The following GLIS3 variants were observed in gnomAD, a reference collection of about 807,000 sequenced individuals.
GLIS3 encodes the protein zinc finger protein GLIS3.
In GLIS3, 53 loss-of-function variants were observed where a neutral mutation model predicts 78.6. The ratio of observed to expected loss-of-function variants is 0.67; its 90% confidence interval spans 0.54 to 0.85. GLIS3 has a LOEUF of 0.85. Among genes scored for constraint, GLIS3 ranks in the 40% least tolerant of loss-of-function variants. The pLI is 0.00. For synonymous variants in GLIS3, 684 were observed against 509.9 expected (o/e 1.34, Z -4.60); for missense variants, 1,703 against 1,231.1 (o/e 1.38, Z -5.74).
intron 8 of GLIS3, among the ~76,000 whole-genome samples, chr9:3,871,703 T>C (rs1044369149): frequency 6.6e-5 from 10 of 152,190 alleles, no homozygotes; most frequent in Admixed American, 2.6e-4. Flanking sequence ...ACAGGGACCC[T>C]GGGCCAGGCC....
At chr9:4,029,108 A>C (rs1463955572) in intron 4 of GLIS3, among the ~76,000 whole-genome samples, 1 of 152,214 alleles carries the variant, frequency 6.6e-6, no homozygotes, top group Non-Finnish European at 1.5e-5. Context: ...CTTAAAACAC[A>C]AACCAGTAAT....
At chr9:3,856,865 G>A (rs1228434832) in intron 8 of GLIS3, among the ~76,000 whole-genome samples, 1 of 152,182 alleles carries the variant, frequency 6.6e-6, no homozygotes, top group African/African-American at 2.4e-5. Flanking sequence ...AAGACTATTG[G>A]TGGTTTCTGG....
chr9:4,240,457 G>T (rs962038096), intron 2 of GLIS3, among the ~76,000 whole-genome samples: 1 of 151,998 alleles, frequency 6.6e-6, no homozygotes, highest in Non-Finnish European at 1.5e-5. Flanking sequence ...GCGGTCTGGG[G>T]ATTGGGAACC....
At chr9:3,963,072 T>C (rs1038675100) in intron 4 of GLIS3, among the ~76,000 whole-genome samples, 1 of 151,420 alleles carries the variant, frequency 6.6e-6, no homozygotes, top group Admixed American at 6.6e-5. Flanking sequence ...GACACACATA[T>C]AAAGGCAAGT....
chr9:4,447,254 C>A, the GLIS3 span, among the ~76,000 whole-genome samples: 5 of 151,946 alleles, frequency 3.3e-5, no homozygotes, highest in Non-Finnish European at 7.4e-5. Context: ...CACTATGTTG[C>A]TCAGGCTGGT....
chr9:3,933,088 G>A (rs1225580595), intron 5 of GLIS3, among the ~76,000 whole-genome samples: 1 of 152,126 alleles, frequency 6.6e-6, no homozygotes, highest in African/African-American at 2.4e-5. Context: ...TAAGCTCTTG[G>A]CTGAGTGCAA....
At chr9:4,167,409 C>A (rs1586860289) in intron 2 of GLIS3, among the ~76,000 whole-genome samples, 1 of 152,170 alleles carries the variant, frequency 6.6e-6, no homozygotes, top group Non-Finnish European at 1.5e-5. Flanking sequence ...TAAGCCACTA[C>A]TATGTGCCAG....
At chr9:4,217,943 T>C (rs1205926306) in intron 2 of GLIS3, among the ~76,000 whole-genome samples, 1 of 152,248 alleles carries the variant, frequency 6.6e-6, no homozygotes, top group Non-Finnish European at 1.5e-5. Context: ...GGGACTTATT[T>C]AGCATCTGCT....
At chr9:4,283,261 G>GTTTTTTTTT (rs369306104) in intron 2 of GLIS3, among the ~76,000 whole-genome samples, 2 of 76,384 alleles carry the variant, frequency 2.6e-5, no homozygotes, top group African/African-American at 1.6e-4. Flanking sequence ...CTGTTTTTTT[G>GTTTTTTTTT]TTTTTTTGTT....
At chr9:4,363,312 A>G in the GLIS3 span, among the ~76,000 whole-genome samples, 2 of 152,262 alleles carry the variant, frequency 1.3e-5, no homozygotes, top group Admixed American at 6.5e-5. Context: ...AGTCCCAGCT[A>G]CTTGAGAGGC....
intron 2 of GLIS3, among the ~76,000 whole-genome samples, chr9:4,181,861 G>A (rs555159032): frequency 6.6e-6 from 1 of 152,148 alleles, no homozygotes; most frequent in African/African-American, 2.4e-5. Flanking sequence ...TCCAAGCTAA[G>A]GGCCCAGATA....
chr9:4,448,218 TC>T, the GLIS3 span, among the ~76,000 whole-genome samples: 2 of 152,212 alleles, frequency 1.3e-5, no homozygotes, highest in South Asian at 2.1e-4. Flanking sequence ...CTTTGCTAAC[TC>T]CCCATTCCCA....
chr9:4,451,998 C>T, the GLIS3 span, among the ~76,000 whole-genome samples: 12 of 152,014 alleles, frequency 7.9e-5, no homozygotes, highest in East Asian at 3.9e-4. Flanking sequence ...TTCATCCCTG[C>T]GATGCAAGTC....
intron 2 of GLIS3, among the ~76,000 whole-genome samples, chr9:4,282,375 T>C (rs1194117557): frequency 1.3e-5 from 2 of 152,158 alleles, no homozygotes; most frequent in African/African-American, 4.8e-5. Context: ...GTACACTGAG[T>C]AAAACATATT....
chr9:4,190,160 G>A (rs1233710191), intron 2 of GLIS3, among the ~76,000 whole-genome samples: 1 of 152,208 alleles, frequency 6.6e-6, no homozygotes, highest in Non-Finnish European at 1.5e-5. Context: ...CTCCTCACCA[G>A]CAACGGAACA....
At chr9:3,897,089 G>A (rs1219037105) in intron 7 of GLIS3, among the ~76,000 whole-genome samples, 3 of 152,092 alleles carry the variant, frequency 2.0e-5, no homozygotes, top group African/African-American at 7.2e-5. Context: ...TGAGCCATAT[G>A]CTGTATGCTA....
chr9:4,376,282 C>A, the GLIS3 span, among the ~76,000 whole-genome samples: 10 of 152,114 alleles, frequency 6.6e-5, no homozygotes, highest in Non-Finnish European at 1.2e-4. Context: ...AAAACTAATT[C>A]ATCTTTTCAG....
intron 4 of GLIS3, among the ~76,000 whole-genome samples, chr9:3,954,195 T>C (rs1473941924): frequency 6.6e-6 from 1 of 152,216 alleles, no homozygotes; most frequent in African/African-American, 2.4e-5. Flanking sequence ...TGCTAAAAAT[T>C]ACCTTTCTTT....
rs138782771 is a variant in GLIS3, at chr9:3,967,363, C to T, written c.1711-30174G>A. Among the ~76,000 whole-genome samples, 1,457 of 152,082 alleles carry T rather than the reference C, an allele frequency of 9.6e-3. 26 individuals carry two copies. Among genetic ancestry groups the T allele is most frequent in the African/African-American group, 0.034 (1,394 of 41,470 alleles). Reference sequence around the variant, plus strand: ...TACTAAAAATAGAAAATTAGCCAGGCGTGGTTGCACGTGCCTGTAGTCCCA... The same window carrying T: ...TACTAAAAATAGAAAATTAGCCAGGTGTGGTTGCACGTGCCTGTAGTCCCA... On this transcript the variant is annotated intron_variant, in intron 4 of 10. Transcript: ENST00000381971.
Sources: gnomAD v4.1 joint callset for allele counts (sites outside exome capture counted in the v4.1 genomes callset) on GRCh38, gnomAD v4.1.1 for gene constraint, MANE v1.5 for transcripts, NCBI Gene and HGNC (gene_info 2026-07-23, HGNC 2026-07-21) for gene names.